The following RSPO2 variants were observed in gnomAD, a reference collection of about 807,000 sequenced individuals.
RSPO2 encodes the protein R-spondin-2.
A neutral mutation model predicts 30.9 loss-of-function variants in RSPO2; 14 were observed. The ratio of observed to expected loss-of-function variants is 0.45; its 90% CI spans 0.30 to 0.71. The LOEUF (loss-of-function observed/expected upper bound fraction) is 0.71. RSPO2 is among the 30% of genes least tolerant of loss of function. RSPO2 has a pLI of 0.08. For synonymous variants in RSPO2, 107 were observed against 96.4 expected, an observed-to-expected ratio of 1.11 and a Z score of -0.64; for missense variants, 264 against 301.9, an observed-to-expected ratio of 0.87 and a Z score of 0.93.
At chr8:108,057,334 T>G (rs1419731669) in intron 2 of RSPO2, among the ~76,000 whole-genome samples, 1 of 152,120 alleles carries the variant, frequency 6.6e-6, no homozygotes, top group East Asian at 1.9e-4. Context: ...ATGCAAAATG[T>G]TAACAGCAGC....
intron 2 of RSPO2, among the ~76,000 whole-genome samples, chr8:108,032,367 A>C (rs1157416920): frequency 6.6e-6 from 1 of 152,136 alleles, no homozygotes; most frequent in Admixed American, 6.5e-5. Flanking sequence ...GAGAGCAAAC[A>C]CTCTTAAATT....
intron 2 of RSPO2, among the ~76,000 whole-genome samples, chr8:108,054,785 C>T (rs1042537198): frequency 6.6e-6 from 1 of 152,106 alleles, no homozygotes; most frequent in Non-Finnish European, 1.5e-5. Flanking sequence ...CCCCTCTTGC[C>T]GCACCCTAGT....
chr8:108,061,547 G>A (rs1812464885), intron 2 of RSPO2, among the ~76,000 whole-genome samples: 1 of 151,642 alleles, frequency 6.6e-6, no homozygotes, highest in South Asian at 2.1e-4. Context: ...AATCCTTAGA[G>A]ACCTACAAAG....
At chr8:108,076,445 G>A (rs1369157943) in intron 2 of RSPO2, among the ~76,000 whole-genome samples, 2 of 152,208 alleles carry the variant, frequency 1.3e-5, no homozygotes, top group Non-Finnish European at 2.9e-5. Context: ...GCTGGAGGAT[G>A]AGGAGTCTAT....
chr8:107,987,974 C>T (rs1477551929), intron 3 of RSPO2, among the ~76,000 whole-genome samples: 1 of 151,936 alleles, frequency 6.6e-6, no homozygotes, highest in African/African-American at 2.4e-5. Flanking sequence ...TTATGAATAA[C>T]CTGCTTACCT....
At chr8:108,033,115 G>T (rs1811480351) in intron 2 of RSPO2, among the ~76,000 whole-genome samples, 1 of 150,534 alleles carries the variant, frequency 6.6e-6, no homozygotes, top group South Asian at 2.1e-4. Flanking sequence ...TACCCAAGCT[G>T]GTCTCGAACT....
At chr8:108,024,455 C>A (rs1217544915) in intron 2 of RSPO2, among the ~76,000 whole-genome samples, 1 of 151,016 alleles carries the variant, frequency 6.6e-6, no homozygotes, top group African/African-American at 2.4e-5. Flanking sequence ...AAGCTCAGTG[C>A]AAATGAGTAT....
At chr8:108,020,571 T>C (rs564389245) in intron 2 of RSPO2, among the ~76,000 whole-genome samples, 13 of 152,344 alleles carry the variant, frequency 8.5e-5, no homozygotes, top group African/African-American at 2.6e-4. Flanking sequence ...TTACCTGCAA[T>C]GTTCTTATTT....
At chr8:107,991,578 A>G (rs910403691) in intron 2 of RSPO2, among the ~76,000 whole-genome samples, 1 of 152,230 alleles carries the variant, frequency 6.6e-6, no homozygotes, top group East Asian at 1.9e-4. Context: ...GCTTCTGTAC[A>G]GCAAAAGAAA....
At chr8:107,941,910 T>C (rs1340124438) in intron 5 of RSPO2, among the ~76,000 whole-genome samples, 1 of 152,150 alleles carries the variant, frequency 6.6e-6, no homozygotes, top group Non-Finnish European at 1.5e-5. Context: ...AGTCTCATGA[T>C]TGTGCAGAAA....
chr8:107,975,573 G>A (rs1814176428), intron 3 of RSPO2, among the ~76,000 whole-genome samples: 1 of 152,188 alleles, frequency 6.6e-6, no homozygotes. Flanking sequence ...CATAGTATCT[G>A]GCACAAAAGA....
chr8:107,916,485 T>C (rs1188920958), intron 5 of RSPO2, among the ~76,000 whole-genome samples: 2 of 152,206 alleles, frequency 1.3e-5, no homozygotes, highest in African/African-American at 4.8e-5. Flanking sequence ...CATTGTAACA[T>C]GTAATTGAGA....
intron 5 of RSPO2, among the ~76,000 whole-genome samples, chr8:107,955,749 T>C (rs1008376481): frequency 5.3e-5 from 8 of 152,200 alleles, no homozygotes; most frequent in South Asian, 2.1e-4. Flanking sequence ...CTTATGCCTT[T>C]CAGTAATCAG....
chr8:108,000,804 A>G (rs532061602), intron 2 of RSPO2, among the ~76,000 whole-genome samples: 57 of 152,206 alleles, frequency 3.7e-4, no homozygotes, highest in Middle Eastern at 6.8e-3. Context: ...GATTGAGATG[A>G]TCCTGGCTAA....
chr8:108,070,482 C>G (rs999659010), intron 2 of RSPO2, among the ~76,000 whole-genome samples: 1 of 151,708 alleles, frequency 6.6e-6, no homozygotes, highest in Non-Finnish European at 1.5e-5. Context: ...TTAGTAGAGA[C>G]GGGGTTTCAC....
chr8:108,075,679 T>G (rs34015698), intron 2 of RSPO2, among the ~76,000 whole-genome samples: 8 of 70,312 alleles, frequency 1.1e-4, no homozygotes, highest in African/African-American at 5.7e-4. Context: ...TTTATACCTG[T>G]TTTTTTTTTT....
chr8:107,958,257 C>T lies in RSPO2; in HGVS notation c.439G>A (p.Val147Ile). The T allele has an allele frequency of 1.2e-6, 2 of 1,612,214 alleles. No individual in the cohort carries two copies. Among genetic ancestry groups the T allele is most frequent in the Non-Finnish European group, 1.7e-6 (2 of 1,178,772 alleles). The change falls in exon 5 of 6, where the codon GTT becomes ATT. Residue 147 changes from valine (V) to isoleucine (I), a missense_variant. Val to Ile is a conservative substitution (Grantham distance 29). Transcript: ENST00000276659. Reference sequence around the variant, plus strand: ...GTTCCCCATTCGCTCCAATGACCAACTTCACATCCTTCTAGTAAAGATTTT... The same window carrying T: ...GTTCCCCATTCGCTCCAATGACCAATTTCACATCCTTCTAGTAAAGATTTT... ...ETMECVEGCE[V>I]GHWSEWGTCS...
At chr8:107,904,150 T>C (rs1022052426) in intron 5 of RSPO2, among the ~76,000 whole-genome samples, 1 of 152,108 alleles carries the variant, frequency 6.6e-6, no homozygotes, top group Non-Finnish European at 1.5e-5. Context: ...CTGCTTAATT[T>C]CTTTACCTCT....
At chr8:107,913,203 C>T (rs936895809) in intron 5 of RSPO2, among the ~76,000 whole-genome samples, 6 of 152,120 alleles carry the variant, frequency 3.9e-5, no homozygotes, top group Non-Finnish European at 7.3e-5. Context: ...GGTCCCAAAG[C>T]TTACCCTCTT....
Sources: allele counts gnomAD v4.1 joint callset (sites outside exome capture counted in the v4.1 genomes callset), GRCh38; gene constraint gnomAD v4.1.1; transcripts MANE v1.5; gene names NCBI Gene and HGNC (gene_info 2026-07-23, HGNC 2026-07-21).